MACROD2: variants seen among roughly 807,000 people sequenced by gnomAD.
MACROD2 encodes the protein ADP-ribose glycohydrolase MACROD2.
MACROD2 carries 36 observed loss-of-function variants against 70.4 expected under a neutral mutation model. The observed-to-expected ratio is 0.51, with a 90% CI of 0.39 to 0.68. The LOEUF is 0.68. MACROD2 is among the 30% of genes least tolerant of loss of function. The probability of loss-of-function intolerance (pLI) is 0.00; values close to 1 mark genes in which losing one functional copy is unlikely to be tolerated. For missense variants in MACROD2, 496 were observed against 538.4 expected (o/e 0.92, Z 0.78); for synonymous variants, 172 against 178.8 (o/e 0.96, Z 0.30).
intron 3 of MACROD2, among the ~76,000 whole-genome samples, chr20:14,133,570 CAGTAA>C (rs1374245876): frequency 6.6e-6 from 1 of 152,030 alleles, no homozygotes; most frequent in Non-Finnish European, 1.5e-5. Context: ...AAATAAAACA[CAGTAA>C]AGAGGTACCA....
chr20:14,257,155 C>T (rs1038660580), intron 3 of MACROD2, among the ~76,000 whole-genome samples: 72 of 152,296 alleles, frequency 4.7e-4, no homozygotes, highest in African/African-American at 1.7e-3. Flanking sequence ...AAGGTACATT[C>T]AGATGCAAGA....
At chr20:14,050,401 G>C (rs2053548734) in intron 2 of MACROD2, among the ~76,000 whole-genome samples, 3 of 152,162 alleles carry the variant, frequency 2.0e-5, no homozygotes, top group Admixed American at 2.0e-4. Context: ...CCTATAATCT[G>C]CTTTGCAAGC....
At chr20:16,032,965 G>A (rs553580743) in intron 15 of MACROD2, among the ~76,000 whole-genome samples, 1 of 152,168 alleles carries the variant, frequency 6.6e-6, no homozygotes, top group South Asian at 2.1e-4. Flanking sequence ...TGGGTTAAAA[G>A]CCTTTGACTT....
chr20:15,038,811 T>C (rs955146031), intron 5 of MACROD2, among the ~76,000 whole-genome samples: 3 of 152,136 alleles, frequency 2.0e-5, no homozygotes, highest in Non-Finnish European at 4.4e-5. Context: ...GATGCTATCA[T>C]AGGAGTGAAT....
At chr20:14,958,330 G>C (rs1300367262) in intron 5 of MACROD2, among the ~76,000 whole-genome samples, 1 of 152,184 alleles carries the variant, frequency 6.6e-6, no homozygotes, top group Non-Finnish European at 1.5e-5. Flanking sequence ...ATTGGCTCAG[G>C]ACAATTTCCA....
At chr20:15,824,029 G>T (rs775517229) in intron 8 of MACROD2, among the ~76,000 whole-genome samples, 2 of 152,146 alleles carry the variant, frequency 1.3e-5, no homozygotes, top group African/African-American at 2.4e-5. Flanking sequence ...GATGTAATTG[G>T]ATAGACCAGA....
intron 4 of MACROD2, among the ~76,000 whole-genome samples, chr20:14,526,245 C>T (rs2085230363): frequency 6.6e-6 from 1 of 152,086 alleles, no homozygotes; most frequent in Non-Finnish European, 1.5e-5. Flanking sequence ...ATCCTAGTTT[C>T]CTTTCTTGTC....
intron 3 of MACROD2, among the ~76,000 whole-genome samples, chr20:14,283,318 C>T (rs998345505): frequency 1.8e-4 from 28 of 152,118 alleles, no homozygotes; most frequent in Non-Finnish European, 4.4e-5. Context: ...ACCTGCCCTT[C>T]CTTTTACATT....
In MACROD2 at chr20:15,674,344, G is replaced by A. The variant is rs1217731165; in HGVS notation, c.645+174497G>A. Among the ~76,000 whole-genome samples, 5 of 152,282 alleles carry A rather than the reference G, an allele frequency of 3.3e-5. No homozygotes were observed. In the East Asian group the frequency reaches 9.7e-4, roughly 29 times the overall value. On this transcript the variant is annotated intron_variant, in intron 8 of 17. Coordinates refer to ENST00000684519, the MANE Select transcript of MACROD2 (RefSeq NM_001351661.2). ...CTGGAGTTGCAGCCTGCAGGATGCA[G>A]ATGAGCTAGTTAGGATACAGAGGTG...
intron 3 of MACROD2, among the ~76,000 whole-genome samples, chr20:14,222,388 G>A (rs1050072461): frequency 6.6e-5 from 10 of 152,166 alleles, no homozygotes; most frequent in Admixed American, 2.0e-4. Flanking sequence ...CTCAGACACA[G>A]AAAGACAAAT....
intron 8 of MACROD2, among the ~76,000 whole-genome samples, chr20:15,655,583 T>C (rs1285501652): frequency 2.6e-5 from 4 of 152,172 alleles, no homozygotes; most frequent in South Asian, 4.1e-4. Flanking sequence ...TTTTTAAAAG[T>C]TGTGTAACAT....
chr20:14,210,895 A>G (rs2081565769), intron 3 of MACROD2, among the ~76,000 whole-genome samples: 1 of 152,152 alleles, frequency 6.6e-6, no homozygotes, highest in African/African-American at 2.4e-5. Flanking sequence ...AACTGGGAAC[A>G]AGTTAACGCT....
chr20:14,550,417 T>G (rs893651291), intron 4 of MACROD2, among the ~76,000 whole-genome samples: 3 of 152,146 alleles, frequency 2.0e-5, no homozygotes, highest in Non-Finnish European at 4.4e-5. Context: ...TGTGATTGTA[T>G]TAGGAGGTGG....
intron 8 of MACROD2, among the ~76,000 whole-genome samples, chr20:15,823,763 G>A (rs1203929626): frequency 6.6e-6 from 1 of 152,156 alleles, no homozygotes; most frequent in Non-Finnish European, 1.5e-5. Context: ...CTGTGTAATT[G>A]TCAGAAAATG....
At chr20:14,322,317 G>C (rs185868412) in intron 3 of MACROD2, among the ~76,000 whole-genome samples, 140 of 148,942 alleles carry the variant, frequency 9.4e-4, no homozygotes, top group African/African-American at 3.3e-3. Flanking sequence ...TTTATTCCAG[G>C]CAACATAATC....
chr20:15,866,007 G>A (rs1601017692), intron 9 of MACROD2, among the ~76,000 whole-genome samples: 1 of 152,154 alleles, frequency 6.6e-6, no homozygotes, highest in Non-Finnish European at 1.5e-5. Flanking sequence ...GGGTCAGCTG[G>A]ATGAGGAACA....
At chr20:15,455,162 A>G (rs534566348) in intron 7 of MACROD2, among the ~76,000 whole-genome samples, 88 of 152,212 alleles carry the variant, frequency 5.8e-4, no homozygotes, top group Non-Finnish European at 7.3e-4. Flanking sequence ...GCATCTTCAG[A>G]GACACTGGGC....
intron 8 of MACROD2, among the ~76,000 whole-genome samples, chr20:15,741,822 C>G (rs2051110579): frequency 6.6e-6 from 1 of 152,082 alleles, no homozygotes; most frequent in Non-Finnish European, 1.5e-5. Context: ...GATCAGGGGT[C>G]TTTGCATCTA....
At chr20:15,520,701 G>A (rs1173355606) in intron 8 of MACROD2, among the ~76,000 whole-genome samples, 1 of 152,200 alleles carries the variant, frequency 6.6e-6, no homozygotes, top group Non-Finnish European at 1.5e-5. Context: ...TGGCACTACT[G>A]AGAGTCAGAC....
Sources: allele counts gnomAD v4.1 joint callset (sites outside exome capture counted in the v4.1 genomes callset), GRCh38; gene constraint gnomAD v4.1.1; transcripts MANE v1.5; gene names NCBI Gene and HGNC (gene_info 2026-07-23, HGNC 2026-07-21).